The following COL25A1 variants were observed in gnomAD, a reference collection of about 807,000 sequenced individuals.
COL25A1 encodes collagen type XXV alpha 1 chain.
A neutral mutation model predicts 128.4 loss-of-function variants in COL25A1; 103 were observed. The observed-to-expected ratio is 0.80, with a 90% CI of 0.68 to 0.94. The LOEUF (loss-of-function observed/expected upper bound fraction) is 0.94. Ranked by LOEUF, COL25A1 falls within the 40% of genes least tolerant of loss-of-function variation. The pLI, the probability that COL25A1 is intolerant of heterozygous loss-of-function variation, is 0.00. For synonymous variants in COL25A1, 279 were observed against 277.2 expected (o/e 1.01, Z -0.06); for missense variants, 745 against 840.0 (o/e 0.89, Z 1.40).
At chr4:108,970,817 C>G (rs1257397989) in intron 8 of COL25A1, among the ~76,000 whole-genome samples, 1 of 152,138 alleles carries the variant, frequency 6.6e-6, no homozygotes, top group Non-Finnish European at 1.5e-5. Flanking sequence ...TCTTTCTGTA[C>G]CTGCCTTATT....
At chr4:109,073,362 G>A (rs1057134388) in intron 3 of COL25A1, among the ~76,000 whole-genome samples, 5 of 152,192 alleles carry the variant, frequency 3.3e-5, no homozygotes, top group Non-Finnish European at 5.9e-5. Context: ...TGGGCATCAT[G>A]AGAATGTACA....
intron 3 of COL25A1, among the ~76,000 whole-genome samples, chr4:109,230,286 T>C (rs1178244868): frequency 2.0e-5 from 3 of 152,196 alleles, no homozygotes; most frequent in Non-Finnish European, 2.9e-5. Flanking sequence ...CTCACCATCA[T>C]GGTCAATAAA....
rs540087837 is a variant in COL25A1 at position 108,858,888 on chromosome 4, A to G, written c.1320+768T>C. ...TTCAAAGGAAGGTGGTTTGATATCA[A>G]TATCACAAAAATGTCAGGGGCGATG... On this transcript the variant is annotated intron_variant, in intron 24 of 37. Coordinates refer to ENST00000399132, the MANE Select transcript of COL25A1 (RefSeq NM_198721.4). Among the ~76,000 whole-genome samples the G allele has an allele frequency of 3.9e-4, 60 of 152,316 alleles. 1 individual carries two copies. In the South Asian group the frequency reaches 0.012, roughly 31 times the overall value.
chr4:109,243,260 T>C (rs1182971231), intron 3 of COL25A1, among the ~76,000 whole-genome samples: 1 of 152,044 alleles, frequency 6.6e-6, no homozygotes, highest in Non-Finnish European at 1.5e-5. Context: ...TCCTCTCTGT[T>C]CGACTCCATG....
At chr4:108,900,814 A>G (rs572395206) in intron 14 of COL25A1, among the ~76,000 whole-genome samples, 1 of 152,256 alleles carries the variant, frequency 6.6e-6, no homozygotes, top group Admixed American at 6.5e-5. Context: ...TTATATACCC[A>G]CTAAGTGGTA....
At chr4:109,292,275 A>G (rs1395844130) in intron 3 of COL25A1, among the ~76,000 whole-genome samples, 2 of 152,064 alleles carry the variant, frequency 1.3e-5, no homozygotes, top group Non-Finnish European at 2.9e-5. Context: ...ATTTTTAAAA[A>G]AGGTTCAGCC....
chr4:108,890,559 G>A (rs1302782715), intron 16 of COL25A1, among the ~76,000 whole-genome samples: 2 of 152,180 alleles, frequency 1.3e-5, no homozygotes, highest in Non-Finnish European at 2.9e-5. Context: ...GCTTATTTCT[G>A]AAATGAAGTC....
At chr4:109,211,118 C>T (rs553222387) in intron 3 of COL25A1, among the ~76,000 whole-genome samples, 2 of 151,370 alleles carry the variant, frequency 1.3e-5, no homozygotes, top group South Asian at 4.2e-4. Context: ...CACCAAATCC[C>T]CTGTGACACA....
At chr4:108,851,410 T>C (rs776488006) in intron 26 of COL25A1, among the ~76,000 whole-genome samples, 5 of 152,148 alleles carry the variant, frequency 3.3e-5, no homozygotes, top group Non-Finnish European at 5.9e-5. Context: ...TTTAAGTATC[T>C]TGAGAGAGTA....
At chr4:109,252,623 C>T (rs1160800588) in intron 3 of COL25A1, among the ~76,000 whole-genome samples, 1 of 152,204 alleles carries the variant, frequency 6.6e-6, no homozygotes, top group African/African-American at 2.4e-5. Flanking sequence ...TCCAAATTTC[C>T]TTGTCACCAA....
intron 19 of COL25A1, among the ~76,000 whole-genome samples, chr4:108,875,052 G>C (rs1739277703): frequency 1.3e-5 from 2 of 152,178 alleles, no homozygotes; most frequent in Admixed American, 6.5e-5. Context: ...CCTCACATTG[G>C]TGCTGAGGAT....
At chr4:109,278,338 T>C (rs1723046512) in intron 3 of COL25A1, among the ~76,000 whole-genome samples, 1 of 152,228 alleles carries the variant, frequency 6.6e-6, no homozygotes, top group African/African-American at 2.4e-5. Context: ...ATATTTCTTA[T>C]ATGTTGAAAT....
Position 109,068,637 on chromosome 4 carries a change from G to A in COL25A1, c.368-18458C>T, listed in dbSNP as rs181829318. On this transcript the variant is annotated intron_variant, in intron 3 of 37. Coordinates refer to ENST00000399132, the MANE Select transcript of COL25A1 (RefSeq NM_198721.4). The stretch of plus-strand genomic sequence containing the variant: ...CCAAATGAAAAGATAATATGTTCTG[G>A]TGCTTATAAGCCTGGATTATAATTC... Among the ~76,000 whole-genome samples, 16 of 152,256 alleles carry A rather than the reference G, an allele frequency of 1.1e-4. No individual in the cohort carries two copies. The East Asian group carries it at 3.1e-3, about 29-fold the overall frequency.
intron 15 of COL25A1, among the ~76,000 whole-genome samples, chr4:108,898,888 T>C (rs1011911845): frequency 4.6e-5 from 7 of 152,178 alleles, no homozygotes; most frequent in Non-Finnish European, 1.0e-4. Context: ...TTTAAAACTT[T>C]TTTTAACCCA....
At chr4:108,913,363 G>T (rs191681752) in intron 13 of COL25A1, among the ~76,000 whole-genome samples, 273 of 145,636 alleles carry the variant, frequency 1.9e-3, no homozygotes, top group African/African-American at 6.2e-3. Context: ...CGCCTCCAGG[G>T]TTCTCCTACC....
intron 3 of COL25A1, among the ~76,000 whole-genome samples, chr4:109,250,675 T>C (rs1780586989): frequency 6.6e-6 from 1 of 152,210 alleles, no homozygotes; most frequent in Non-Finnish European, 1.5e-5. Flanking sequence ...TTCAGTGGCT[T>C]GGAAGAGGTT....
Position 108,855,180 on chromosome 4 carries a change from C to G in COL25A1, c.1321-2255G>C, listed in dbSNP as rs541640025. Among the ~76,000 whole-genome samples, 3 of 116,214 alleles carry G rather than the reference C, an allele frequency of 2.6e-5. No individual in the cohort carries two copies. The South Asian group carries it at 9.8e-4, about 38-fold the overall frequency. 76.2% of individuals were successfully genotyped at this position (116,214 alleles called of 152,430 possible). ...GTTCCACTCCAATTTCTGATTTGAG[C>G]TGTTGTTACTGTTTTTTTTTTTTAT... On this transcript the variant is annotated intron_variant, in intron 24 of 37. Transcript: ENST00000399132.
intron 3 of COL25A1, among the ~76,000 whole-genome samples, chr4:109,187,758 T>C (rs1775269930): frequency 1.3e-5 from 2 of 152,198 alleles, no homozygotes; most frequent in Non-Finnish European, 2.9e-5. Flanking sequence ...AAATCAGCTT[T>C]CCCCTTGCCC....
At chr4:109,071,368 A>T (rs1398575733) in intron 3 of COL25A1, among the ~76,000 whole-genome samples, 1 of 152,190 alleles carries the variant, frequency 6.6e-6, no homozygotes, top group Non-Finnish European at 1.5e-5. Flanking sequence ...AGGCAATACC[A>T]TTCAGGACAT....
Sources: allele counts gnomAD v4.1 joint callset (sites outside exome capture counted in the v4.1 genomes callset), GRCh38; gene constraint gnomAD v4.1.1; transcripts MANE v1.5; gene names NCBI Gene and HGNC (gene_info 2026-07-23, HGNC 2026-07-21).